The following C9orf72 variants were observed in gnomAD, a reference collection of about 807,000 sequenced individuals.
C9orf72 encodes guanine nucleotide exchange factor C9orf72.
C9orf72 carries 44 observed loss-of-function variants against 51.6 expected under a neutral mutation model. The ratio of observed to expected loss-of-function variants is 0.85; its 90% CI spans 0.67 to 1.10. The LOEUF (loss-of-function observed/expected upper bound fraction) is 1.10. Among genes scored for constraint, C9orf72 ranks in the 50% least tolerant of loss-of-function variants. The pLI, the probability that C9orf72 is intolerant of heterozygous loss-of-function variation, is 0.00. For synonymous variants in C9orf72, 213 were observed against 194.2 expected, an observed-to-expected ratio of 1.10 and a Z score of -0.81; for missense variants, 607 against 570.6, an observed-to-expected ratio of 1.06 and a Z score of -0.65.
intron 8 of C9orf72, among the ~76,000 whole-genome samples, chr9:27,553,062 TAAAGAGATGAC>T (rs751635349): frequency 2.0e-4 from 31 of 152,160 alleles, no homozygotes; most frequent in East Asian, 1.5e-3. Context: ...ACATCAGGTA[TAAAGAGATGAC>T]ACAAACACAT....
intron 6 of C9orf72, chr9:27,559,251 A>T (rs1463486180): frequency 7.0e-6 from 1 of 143,468 alleles, no homozygotes; most frequent in African/African-American, 2.5e-5. Flanking sequence ...AAGAGGATGG[A>T]GGATGGGAAA....
chr9:27,569,239 A>AT (rs1819535656), intron 1 of C9orf72, among the ~76,000 whole-genome samples: 1 of 152,186 alleles, frequency 6.6e-6, no homozygotes, highest in African/African-American at 2.4e-5. Flanking sequence ...AAAAGTTATA[A>AT]TTTTTTATTG....
rs956390083 is a variant in C9orf72, at chr9:27,546,778, T to G, written c.*1458A>C. 1 of 152,196 alleles carries G rather than the reference T, an allele frequency of 6.6e-6. No individual in the cohort carries two copies. Among genetic ancestry groups the G allele is most frequent in the Non-Finnish European group, 1.5e-5 (1 of 68,026 alleles). The allele number at this position is 152,196 out of a possible 1,614,324, so 9.4% of individuals were successfully genotyped here. A position where few individuals can be genotyped will look rare whatever the true frequency, so the allele number is the denominator to read the frequency against. On this transcript the variant is annotated 3_prime_UTR_variant, in exon 11 of 11. Coordinates refer to ENST00000380003, the MANE Select transcript of C9orf72 (RefSeq NM_018325.5). ...TTATATATTTTTTAAATGACTGAGC[T>G]ACAGTACAACAGTCATCTAGTTCAG... is the stretch of plus-strand genomic sequence containing the variant.
chr9:27,560,616 C>A, intron 5 of C9orf72: 1 of 1,000,412 alleles, frequency 1.0e-6, no homozygotes, highest in Middle Eastern at 5.1e-4. Flanking sequence ...AAGTGACTTA[C>A]TTAAAGTCAA....
intron 8 of C9orf72, among the ~76,000 whole-genome samples, chr9:27,556,002 CAATT>C (rs922523917): frequency 6.8e-6 from 1 of 148,042 alleles, no homozygotes; most frequent in South Asian, 2.1e-4. Context: ...CCATGCTCAA[CAATT>C]AATTATCATT....
intron 8 of C9orf72, among the ~76,000 whole-genome samples, chr9:27,555,382 A>T (rs1820987823): frequency 6.6e-6 from 1 of 152,142 alleles, no homozygotes; most frequent in Non-Finnish European, 1.5e-5. Context: ...TTTGGTTAAC[A>T]CTTACTGTGT....
At chr9:27,557,453 C>A (rs1378046227) in intron 7 of C9orf72, among the ~76,000 whole-genome samples, 2 of 152,078 alleles carry the variant, frequency 1.3e-5, no homozygotes, top group African/African-American at 4.8e-5. Flanking sequence ...TGATAATCAT[C>A]TTTGTATAAT....
intron 8 of C9orf72, among the ~76,000 whole-genome samples, 200 bp from the exon 9 acceptor site, chr9:27,550,907 T>C (rs1820892928): frequency 6.6e-6 from 1 of 152,166 alleles, no homozygotes; most frequent in African/African-American, 2.4e-5. Context: ...CTCAAGGATA[T>C]ATTTACATTT....
chr9:27,556,977 A>C (rs1819217366), intron 7 of C9orf72, among the ~76,000 whole-genome samples, 181 bp from the exon 8 acceptor site: 1 of 152,210 alleles, frequency 6.6e-6, no homozygotes, highest in Non-Finnish European at 1.5e-5. Context: ...CATTGGTTTC[A>C]ATAGCAAAAC....
At position 27,554,056 on chromosome 9, in the gene C9orf72, C is replaced by T. The variant is rs1175553751; in HGVS notation, c.1091+2505G>A. Among the ~76,000 whole-genome samples the T allele has an allele frequency of 1.3e-5, 2 of 152,138 alleles. 1 individual carries two copies. Among genetic ancestry groups the T allele is most frequent in the East Asian group, 3.9e-4 (2 of 5,192 alleles). ...TTGTGGAGAAAAGGGAACACTTATA[C>T]ACTGCTGGCGGGACTGTAAATTAGT... On this transcript the variant is annotated intron_variant, in intron 8 of 10. Coordinates refer to ENST00000380003, the MANE Select transcript of C9orf72 (RefSeq NM_018325.5).
In C9orf72 at chr9:27,556,331, T is replaced by G. The variant is rs527374711; in HGVS notation, c.1091+230A>C. ...GCTCAATATATATTTATTAAACAAA[T>G]AGTTAAATATTTACTTTAAGGGTTA... On this transcript the variant is annotated intron_variant, in intron 8 of 10. Transcript: ENST00000380003. 3 of 567,452 alleles carry G rather than the reference T, an allele frequency of 5.3e-6. No individual in the cohort carries two copies. The Admixed American group carries it at 9.2e-5, about 17-fold the overall frequency. 35.2% of individuals were successfully genotyped at this position (567,452 alleles called of 1,614,324 possible).
intron 2 of C9orf72, among the ~76,000 whole-genome samples, chr9:27,566,462 A>C (rs1819468668): frequency 6.6e-6 from 1 of 152,166 alleles, no homozygotes; most frequent in Non-Finnish European, 1.5e-5. Context: ...TTTCATCTAT[A>C]ATGTGGAGCT....
chr9:27,549,390 G>A (rs1820858084), intron 9 of C9orf72, among the ~76,000 whole-genome samples: 4 of 152,102 alleles, frequency 2.6e-5, no homozygotes, highest in Non-Finnish European at 5.9e-5. Context: ...GGAGTAGAAT[G>A]TGTGCATATG....
At chr9:27,556,420 C>A in intron 8 of C9orf72, 141 bp downstream of exon 8, 2 of 611,588 alleles carry the variant, frequency 3.3e-6, no homozygotes, top group Non-Finnish European at 5.7e-6. Flanking sequence ...GAAAAAAATG[C>A]TTGATTAAAT....
chr9:27,553,496 A>G (rs2131531557), intron 8 of C9orf72, among the ~76,000 whole-genome samples: 1 of 152,342 alleles, frequency 6.6e-6, no homozygotes, highest in South Asian at 2.1e-4. Flanking sequence ...TGCTGGGATA[A>G]TTGCTAGCCA....
chr9:27,551,723 T>C (rs576002704), intron 8 of C9orf72, among the ~76,000 whole-genome samples: 2 of 152,298 alleles, frequency 1.3e-5, no homozygotes, highest in Admixed American at 6.5e-5. Context: ...GGAAAGAGAA[T>C]AAGGCTTATA....
At position 27,550,410 on chromosome 9, in the gene C9orf72, A is replaced by C. The variant is rs539411785; in HGVS notation, c.1149+240T>G. Among the ~76,000 whole-genome samples the C allele has an allele frequency of 3.3e-5, 5 of 152,218 alleles. No individual in the cohort carries two copies. In the South Asian group the frequency reaches 1.0e-3, roughly 32 times the overall value. ...ATAATATTTATTATATTGTAAACAA[A>C]GGTCTGAATTCCCGAAGCATAAATC... On this transcript the variant is annotated intron_variant, in intron 9 of 10. Transcript: ENST00000380003.
At chr9:27,560,761 A>G in intron 5 of C9orf72, 7 of 985,392 alleles carry the variant, frequency 7.1e-6, no homozygotes, top group Non-Finnish European at 8.4e-6. Flanking sequence ...CTAAAGGAAA[A>G]GACTGTGAAC....
At chr9:27,553,489 TGG>T (rs2131531547) in intron 8 of C9orf72, among the ~76,000 whole-genome samples, 1 of 152,342 alleles carries the variant, frequency 6.6e-6, no homozygotes, top group South Asian at 2.1e-4. Flanking sequence ...TAAATGGTGC[TGG>T]GATAATTGCT....
Sources: gnomAD v4.1 joint callset for allele counts (sites outside exome capture counted in the v4.1 genomes callset) on GRCh38, gnomAD v4.1.1 for gene constraint, MANE v1.5 for transcripts, NCBI Gene and HGNC (gene_info 2026-07-23, HGNC 2026-07-21) for gene names.